DCDC2C: variants seen among roughly 807,000 people sequenced by gnomAD.
DCDC2C encodes doublecortin domain containing 2C.
In DCDC2C, 44 loss-of-function variants were observed where a neutral mutation model predicts 45.0. The ratio of observed to expected loss-of-function variants is 0.98; its 90% confidence interval spans 0.77 to 1.26. DCDC2C has a LOEUF of 1.26. Among genes scored for constraint, DCDC2C ranks in the 50% most tolerant of loss-of-function variants. The pLI is 0.00. For missense variants in DCDC2C, 447 were observed against 468.9 expected, an observed-to-expected ratio of 0.95 and a Z score of 0.43; for synonymous variants, 187 against 178.8, an observed-to-expected ratio of 1.05 and a Z score of -0.37.
intron 10 of DCDC2C, among the ~76,000 whole-genome samples, chr2:3,787,060 T>G (rs904452404): frequency 6.6e-6 from 1 of 152,246 alleles, no homozygotes; most frequent in Non-Finnish European, 1.5e-5. Flanking sequence ...CCATTTGTTA[T>G]GTGGCATTCC....
At chr2:3,742,768 G>A (rs563484965) in intron 4 of DCDC2C, among the ~76,000 whole-genome samples, 3 of 152,218 alleles carry the variant, frequency 2.0e-5, no homozygotes, top group African/African-American at 7.2e-5. Flanking sequence ...GTGTGTTGAG[G>A]GAGCACGACA....
intron 10 of DCDC2C, among the ~76,000 whole-genome samples, chr2:3,832,714 T>C (rs1200013207): frequency 2.0e-5 from 3 of 152,188 alleles, no homozygotes; most frequent in Admixed American, 2.0e-4. Context: ...TCACATTTAT[T>C]TAAATGCCTC....
intron 10 of DCDC2C, among the ~76,000 whole-genome samples, chr2:3,838,658 A>G (rs564925979): frequency 7.9e-5 from 12 of 152,282 alleles, no homozygotes; most frequent in African/African-American, 2.9e-4. Context: ...TGGTGGGTGC[A>G]AGAACGGCCC....
At chr2:3,829,027 A>G (rs545571507) in intron 10 of DCDC2C, among the ~76,000 whole-genome samples, 1 of 152,308 alleles carries the variant, frequency 6.6e-6, no homozygotes, top group African/African-American at 2.4e-5. Context: ...AATTATTTTC[A>G]CTATCATTTT....
intron 10 of DCDC2C, among the ~76,000 whole-genome samples, chr2:3,832,960 C>T (rs184743001): frequency 1.3e-5 from 2 of 152,342 alleles, no homozygotes; most frequent in East Asian, 1.9e-4. Flanking sequence ...AAATTCAACA[C>T]GGGTCTCATT....
chr2:3,749,069 AT>A (rs1241417296), intron 4 of DCDC2C, among the ~76,000 whole-genome samples: 1 of 152,146 alleles, frequency 6.6e-6, no homozygotes, highest in Non-Finnish European at 1.5e-5. Context: ...CTGTACCTTT[AT>A]TTTGGGAAAA....
intron 6 of DCDC2C, among the ~76,000 whole-genome samples, chr2:3,766,516 C>T (rs1204623125): frequency 3.3e-5 from 5 of 152,132 alleles, no homozygotes; most frequent in Admixed American, 6.5e-5. Context: ...TCCTTAAGAA[C>T]ATGATTTCAG....
intron 2 of DCDC2C, among the ~76,000 whole-genome samples, chr2:3,722,141 G>A (rs1668519774): frequency 6.6e-6 from 1 of 152,226 alleles, no homozygotes; most frequent in African/African-American, 2.4e-5. Flanking sequence ...GCAGGAGGCA[G>A]CTGAGGCTCA....
chr2:3,831,190 A>G (rs1317225209), intron 10 of DCDC2C, among the ~76,000 whole-genome samples: 1 of 152,118 alleles, frequency 6.6e-6, no homozygotes, highest in African/African-American at 2.4e-5. Flanking sequence ...CTTCCAAATG[A>G]TCCTAAAGAA....
intron 2 of DCDC2C, among the ~76,000 whole-genome samples, chr2:3,724,450 G>A (rs1408981072): frequency 3.3e-5 from 5 of 152,172 alleles, no homozygotes; most frequent in Non-Finnish European, 7.3e-5. Context: ...TTCAGGGACA[G>A]AAGACCCAGA....
At chr2:3,777,150 C>G (rs1488819221) in intron 8 of DCDC2C, among the ~76,000 whole-genome samples, 1 of 152,208 alleles carries the variant, frequency 6.6e-6, no homozygotes, top group Non-Finnish European at 1.5e-5. Flanking sequence ...ACATGCTGCT[C>G]CATGCACCAG....
Position 3,734,925 on chromosome 2 carries a change from A to C in DCDC2C, c.417-6995A>C, listed in dbSNP as rs1668978222. Among the ~76,000 whole-genome samples, 1 of 152,070 alleles carries C rather than the reference A, an allele frequency of 6.6e-6. No homozygotes were observed. The highest frequency in any genetic ancestry group is 2.4e-5 in the African/African-American group (1 of 41,386). On this transcript the variant is annotated intron_variant, in intron 3 of 10. Transcript: ENST00000399143. This position sits in a 1 kb window ranked among gnomAD's most constrained non-coding sequence, Gnocchi z 4.2. The stretch of plus-strand genomic sequence containing the variant: ...TTCCTTACTCCCGGGTCCAGGGATG[A>C]CTCCCTTATCGTGGCCTAAAGAGAG...
intron 5 of DCDC2C, among the ~76,000 whole-genome samples, chr2:3,753,482 CG>C (rs1669603390): frequency 6.6e-6 from 1 of 152,140 alleles, no homozygotes; most frequent in Non-Finnish European, 1.5e-5. Flanking sequence ...TTAGCCCTGA[CG>C]GGTGTGTTTG....
At chr2:3,709,509 T>A (rs755561253) in intron 2 of DCDC2C, among the ~76,000 whole-genome samples, 2 of 152,176 alleles carry the variant, frequency 1.3e-5, no homozygotes, top group Non-Finnish European at 2.9e-5. Flanking sequence ...CTTCTTGGAG[T>A]CTGCCCTTGA....
chr2:3,790,148 A>G (rs1453697950), intron 10 of DCDC2C, among the ~76,000 whole-genome samples: 1 of 152,188 alleles, frequency 6.6e-6, no homozygotes. Flanking sequence ...CAGGTGCTCT[A>G]CAGAAGCTGA....
intron 6 of DCDC2C, among the ~76,000 whole-genome samples, chr2:3,764,853 G>A (rs1669973706): frequency 6.6e-6 from 1 of 152,110 alleles, no homozygotes; most frequent in African/African-American, 2.4e-5. Context: ...TTTCTTGAGT[G>A]GAAAATGCTA....
At chr2:3,765,899 G>T (rs1390067059) in intron 6 of DCDC2C, among the ~76,000 whole-genome samples, 1 of 152,184 alleles carries the variant, frequency 6.6e-6, no homozygotes, top group Admixed American at 6.5e-5. Context: ...GCCAAGACTT[G>T]ACAGGAGGGT....
chr2:3,769,375 G>A lies in DCDC2C; in HGVS notation c.918G>A (p.Glu306=), dbSNP rs1415128704. 2.6e-6 allele frequency: 4 copies of A among 1,550,478 alleles called. No individual in the cohort carries two copies. The highest frequency in any genetic ancestry group is 3.5e-6 in the Non-Finnish European group (4 of 1,146,984). The change falls in exon 8 of 11, where the codon GAG becomes GAA. Residue 306 remains glutamate (E), a synonymous_variant. Transcript: ENST00000399143. Reference sequence around the variant, plus strand: ...CCCAAGGGGCGCTGGACGTCAAAGAGGAGCACAATGTGCAGCTGGAGGTGC... The same window carrying A: ...CCCAAGGGGCGCTGGACGTCAAAGAAGAGCACAATGTGCAGCTGGAGGTGC... ...KETQGALDVK[E]EHNVQLEVPV...
chr2:3,814,696 C>T (rs1198833003), intron 10 of DCDC2C, among the ~76,000 whole-genome samples: 1 of 152,246 alleles, frequency 6.6e-6, no homozygotes, highest in Non-Finnish European at 1.5e-5. Flanking sequence ...ACTGTGGCCA[C>T]CCCTCCCATT....
Sources: allele counts gnomAD v4.1 joint callset (sites outside exome capture counted in the v4.1 genomes callset), GRCh38; gene constraint gnomAD v4.1.1; non-coding constraint Gnocchi (gnomAD v3.1); transcripts MANE v1.5; gene names NCBI Gene and HGNC (gene_info 2026-07-23, HGNC 2026-07-21).